PTGER3: variants seen among roughly 807,000 people sequenced by gnomAD.
The protein encoded by PTGER3 is prostaglandin E2 receptor EP3 subtype.
PTGER3 carries 22 observed loss-of-function variants against 34.7 expected under a neutral mutation model. The ratio of observed to expected loss-of-function variants is 0.63; its 90% CI spans 0.45 to 0.91. The LOEUF (loss-of-function observed/expected upper bound fraction) is 0.91. PTGER3 is among the 40% of genes least tolerant of loss of function. The pLI is 0.00. For synonymous variants in PTGER3, 241 were observed against 230.1 expected (o/e 1.05, Z -0.43); for missense variants, 468 against 519.4 (o/e 0.90, Z 0.96).
At chr1:70,910,077 T>C (rs947694714) in intron 4 of PTGER3, among the ~76,000 whole-genome samples, 1 of 152,232 alleles carries the variant, frequency 6.6e-6, no homozygotes, top group African/African-American at 2.4e-5. Context: ...ATGTTACTAT[T>C]GCTAATAAGT....
intron 4 of PTGER3, among the ~76,000 whole-genome samples, chr1:70,899,577 A>C (rs577532670): frequency 4.7e-4 from 72 of 151,958 alleles, no homozygotes; most frequent in Non-Finnish European, 8.2e-4. Context: ...GAGCCAGATT[A>C]TATGGTGCTT....
chr1:70,861,763 G>C (rs1449856515), intron 4 of PTGER3, among the ~76,000 whole-genome samples: 1 of 151,314 alleles, frequency 6.6e-6, no homozygotes, highest in East Asian at 1.9e-4. Context: ...TTCTCTCTCA[G>C]AATATTTATC....
At chr1:70,919,961 A>G (rs1181449913) in intron 4 of PTGER3, among the ~76,000 whole-genome samples, 2 of 152,174 alleles carry the variant, frequency 1.3e-5, no homozygotes. Context: ...CTAAGGTAAG[A>G]TATCTTGCCA....
chr1:70,884,898 G>T (rs763992290), intron 4 of PTGER3, among the ~76,000 whole-genome samples: 2 of 152,074 alleles, frequency 1.3e-5, no homozygotes, highest in Admixed American at 6.6e-5. Context: ...ACTCCATCAC[G>T]TTCCTAGATT....
chr1:71,044,654 T>C (rs1247498688), intron 1 of PTGER3, among the ~76,000 whole-genome samples: 1 of 152,064 alleles, frequency 6.6e-6, no homozygotes, highest in African/African-American at 2.4e-5. Flanking sequence ...GTTTTCAAGA[T>C]TGATCTACTT....
chr1:71,023,525 C>A (rs1658614095), intron 1 of PTGER3, among the ~76,000 whole-genome samples: 1 of 151,902 alleles, frequency 6.6e-6, no homozygotes, highest in African/African-American at 2.4e-5. Context: ...ATAGGCCATA[C>A]CTTTTCTCTG....
chr1:70,886,629 C>T (rs1460744789), intron 4 of PTGER3, among the ~76,000 whole-genome samples: 1 of 152,236 alleles, frequency 6.6e-6, no homozygotes, highest in Non-Finnish European at 1.5e-5. Context: ...TTCACTCCCA[C>T]ATCACTCTCT....
chr1:70,912,796 T>C (rs1277322389), intron 4 of PTGER3, among the ~76,000 whole-genome samples: 1 of 152,106 alleles, frequency 6.6e-6, no homozygotes, highest in Non-Finnish European at 1.5e-5. Context: ...TTATTGAAAA[T>C]CAGTTGACCA....
intron 1 of PTGER3, among the ~76,000 whole-genome samples, chr1:71,040,423 G>A (rs1358400468): frequency 6.6e-6 from 1 of 151,754 alleles, no homozygotes; most frequent in Non-Finnish European, 1.5e-5. Context: ...CCAACATGGT[G>A]AAATCCCGTC....
intron 4 of PTGER3, among the ~76,000 whole-genome samples, chr1:70,906,204 G>A (rs1231706076): frequency 6.6e-6 from 1 of 152,184 alleles, no homozygotes; most frequent in Non-Finnish European, 1.5e-5. Flanking sequence ...CCCAGTCTCA[G>A]TTAGGTGTTT....
chr1:70,978,373 C>T (rs1653911959), intron 2 of PTGER3, among the ~76,000 whole-genome samples: 1 of 152,020 alleles, frequency 6.6e-6, no homozygotes, highest in African/African-American at 2.4e-5. Flanking sequence ...ACACATTATT[C>T]TAATAAGGGT....
At chr1:70,957,837 T>C (rs1651506972) in intron 2 of PTGER3, among the ~76,000 whole-genome samples, 1 of 152,214 alleles carries the variant, frequency 6.6e-6, no homozygotes, top group African/African-American at 2.4e-5. Flanking sequence ...ACCAACCTTT[T>C]GTTGTCCCCC....
intron 3 of PTGER3, chr1:70,953,649 G>C: frequency 6.9e-7 from 1 of 1,455,228 alleles, no homozygotes; most frequent in East Asian, 2.6e-5. Flanking sequence ...TTCTTGATAG[G>C]AAGGAAAACA....
At chr1:70,909,734 T>C (rs931360451) in intron 4 of PTGER3, among the ~76,000 whole-genome samples, 1 of 152,122 alleles carries the variant, frequency 6.6e-6, no homozygotes, top group Admixed American at 6.6e-5. Flanking sequence ...CTTGAAAAAA[T>C]ATTTTTCTGC....
At chr1:70,858,692 A>G (rs1197843312) in intron 4 of PTGER3, among the ~76,000 whole-genome samples, 1 of 152,216 alleles carries the variant, frequency 6.6e-6, no homozygotes, top group Non-Finnish European at 1.5e-5. Flanking sequence ...TGAAAATGAC[A>G]TAAAACATTT....
intron 1 of PTGER3, among the ~76,000 whole-genome samples, chr1:71,015,429 G>A (rs1657809779): frequency 1.3e-5 from 2 of 152,148 alleles, no homozygotes; most frequent in Admixed American, 6.5e-5. Flanking sequence ...ATCTGAAATC[G>A]ATTTGCTTTG....
chr1:70,890,885 C>T (rs756375929), intron 4 of PTGER3, among the ~76,000 whole-genome samples: 2 of 152,116 alleles, frequency 1.3e-5, no homozygotes, highest in Admixed American at 6.5e-5. Flanking sequence ...TGCAGGAGAA[C>T]CCAGTTATAT....
chr1:71,007,330 T>C, intron 2 of PTGER3: 11 of 985,774 alleles, frequency 1.1e-5, no homozygotes, highest in Non-Finnish European at 1.3e-5. Context: ...ACAAAAACAT[T>C]TGATAAGGAG....
downstream of PTGER3, among the ~76,000 whole-genome samples, chr1:70,970,403 A>AGACCATTTT (rs1030263774): frequency 1.3e-5 from 2 of 152,204 alleles, no homozygotes; most frequent in African/African-American, 4.8e-5. Context: ...GTGCTAGTTA[A>AGACCATTTT]GACCATTTTA....
Sources: allele counts gnomAD v4.1 joint callset (sites outside exome capture counted in the v4.1 genomes callset), GRCh38; gene constraint gnomAD v4.1.1; transcripts MANE v1.5; gene names NCBI Gene and HGNC (gene_info 2026-07-23, HGNC 2026-07-21).